The following TXNDC11 variants were observed in gnomAD, a reference collection of about 807,000 sequenced individuals.
TXNDC11 encodes the protein thioredoxin domain containing 11.
In TXNDC11, 68 loss-of-function variants were observed where a neutral mutation model predicts 78.0. That is an observed-to-expected ratio of 0.87 (90% confidence interval 0.72 to 1.07). TXNDC11 has a LOEUF of 1.07. Ranked by LOEUF, TXNDC11 falls within the 50% of genes least tolerant of loss-of-function variation. TXNDC11 has a pLI of 0.00. For synonymous variants in TXNDC11, 571 were observed against 495.2 expected, an observed-to-expected ratio of 1.15 and a Z score of -2.03; for missense variants, 1,389 against 1,221.8, an observed-to-expected ratio of 1.14 and a Z score of -2.04.
In TXNDC11 at chr16:11,709,423, ATTTTTTTTT is replaced by A. The variant is rs149701958; in HGVS notation, c.794-8868_794-8860del. On this transcript the variant is annotated intron_variant, in intron 5 of 11. Coordinates refer to ENST00000283033, the MANE Select transcript of TXNDC11 (RefSeq NM_015914.7). ...CCACCATGCGTAGCTAATTTTTTGT[ATTTTTTTTT>A]TTTTTTTTTTTTTTTTTTTTGAGAC... is the stretch of plus-strand genomic sequence containing the variant. Among the ~76,000 whole-genome samples, 75 of 55,572 alleles carry A rather than the reference ATTTTTTTTT, an allele frequency of 1.3e-3. 1 individual carries two copies. Among genetic ancestry groups the A allele is most frequent in the Middle Eastern group, 0.016 (1 of 64 alleles). 36.5% of individuals were successfully genotyped at this position (55,572 alleles called of 152,430 possible). A position where few individuals can be genotyped will look rare whatever the true frequency, so the allele number is the denominator to read the frequency against.
chr16:11,701,644 A>G (rs1022373017), intron 5 of TXNDC11, among the ~76,000 whole-genome samples: 14 of 152,348 alleles, frequency 9.2e-5, no homozygotes, highest in East Asian at 3.9e-4. Flanking sequence ...ATATGTATAC[A>G]TGGCTAATAA....
In TXNDC11 at chr16:11,693,639, A is replaced by T. The variant is rs2050779608; in HGVS notation, c.1108-1557T>A. 3.9e-5 allele frequency among the ~76,000 whole-genome samples: 6 copies of T among 152,370 alleles called. No individual in the cohort carries two copies. The South Asian group carries it at 1.0e-3, about 26-fold the overall frequency. ...ATAAATTGTTTCAATAGTTCTCGGC[A>T]TAAAAAAAGTCACTTTATAACCCAC... On this transcript the variant is annotated intron_variant, in intron 7 of 11. Coordinates refer to ENST00000283033, the MANE Select transcript of TXNDC11 (RefSeq NM_015914.7).
At chr16:11,733,248 C>T (rs2052107838) in intron 3 of TXNDC11, among the ~76,000 whole-genome samples, 1 of 150,298 alleles carries the variant, frequency 6.7e-6, no homozygotes. Flanking sequence ...AAAAGCTAAA[C>T]TCTGTCTCAA....
In TXNDC11 at chr16:11,679,239, C is replaced by T. The variant is rs774992096; in HGVS notation, c.2833G>A (p.Ala945Thr). 2.7e-5 allele frequency: 44 copies of T among 1,613,592 alleles called. 1 individual carries two copies. In the Middle Eastern group the frequency reaches 3.2e-3, roughly 116 times the overall value. The change falls in exon 12 of 12, where the codon GCC becomes ACC. Residue 945 changes from alanine (A) to threonine (T), a missense_variant. Ala to Thr is a moderately conservative substitution (Grantham distance 58). Transcript: ENST00000283033. This position sits in a 1 kb window ranked among gnomAD's most constrained non-coding sequence, Gnocchi z 4.6. ...TTATTCCTTTCAGACACCAGTGTGG[C>T]GCTGACATTGGCAGGTGGAGGGGAG... ...GSSPPPANVSATLVSERNKEN... is the reference protein window; with the variant it reads ...GSSPPPANVSTTLVSERNKEN...
intron 11 of TXNDC11, among the ~76,000 whole-genome samples, chr16:11,681,864 AT>A (rs948457407): frequency 1.3e-5 from 2 of 152,118 alleles, no homozygotes; most frequent in African/African-American, 4.8e-5. Flanking sequence ...AGGCTCTTGC[AT>A]TTTTTTCCTT....
Position 11,736,112 on chromosome 16 carries a change from C to T in TXNDC11, c.376G>A (p.Glu126Lys). The change falls in exon 2 of 12, where the codon GAG becomes AAG. Residue 126 changes from glutamate (E) to lysine (K), a missense_variant. Transcript: ENST00000283033. Reference protein sequence around the residue: ...DYAEYVRRDSEVVLLFFYAPW... With the variant: ...DYAEYVRRDSKVVLLFFYAPW... ...GCATAGAAGAAGAGCAGTACCACCT[C>T]TGAATCCCGTCGAACGTACTCTGCA... 6.2e-7 allele frequency: 1 copy of T among 1,614,222 alleles called. No homozygotes were observed. Among genetic ancestry groups the T allele is most frequent in the Non-Finnish European group, 8.5e-7 (1 of 1,180,046 alleles).
intron 10 of TXNDC11, among the ~76,000 whole-genome samples, chr16:11,684,588 A>C (rs2050515445): frequency 6.6e-6 from 1 of 152,260 alleles, no homozygotes; most frequent in South Asian, 2.1e-4. Context: ...GGGAAAAGAA[A>C]GGAAATCATT....
At chr16:11,681,286 C>T (rs1231772412) in intron 11 of TXNDC11, among the ~76,000 whole-genome samples, 1 of 152,262 alleles carries the variant, frequency 6.6e-6, no homozygotes, top group East Asian at 1.9e-4. Context: ...GCGGCACAAG[C>T]CTGGTCTTGT....
intron 1 of TXNDC11, among the ~76,000 whole-genome samples, chr16:11,740,238 A>C (rs372360708): frequency 1.3e-4 from 20 of 152,342 alleles, no homozygotes; most frequent in African/African-American, 4.8e-4. Context: ...CGGGGGTAGA[A>C]ATGTTAGCCA....
intron 4 of TXNDC11, among the ~76,000 whole-genome samples, chr16:11,726,270 A>C (rs1403950171): frequency 6.6e-6 from 1 of 151,864 alleles, no homozygotes; most frequent in East Asian, 1.9e-4. Flanking sequence ...CAAATAAAAT[A>C]TTTTCCATTG....
At chr16:11,685,632 G>C (rs2050549070) in intron 10 of TXNDC11, among the ~76,000 whole-genome samples, 3 of 151,458 alleles carry the variant, frequency 2.0e-5, no homozygotes, top group African/African-American at 4.9e-5. Context: ...CTGGGCAACA[G>C]AGCAAGACTC....
chr16:11,684,033 G>A (rs746252397), intron 11 of TXNDC11, 132 bp downstream of exon 11: 2 of 606,426 alleles, frequency 3.3e-6, no homozygotes, highest in Admixed American at 2.6e-5. Context: ...TTACAGGCAT[G>A]AGCCACCACG....
At chr16:11,740,770 A>G (rs1453658386) in intron 1 of TXNDC11, among the ~76,000 whole-genome samples, 1 of 152,260 alleles carries the variant, frequency 6.6e-6, no homozygotes, top group Admixed American at 6.5e-5. Flanking sequence ...CTGAAACATC[A>G]CGAAGGCTGG....
intron 10 of TXNDC11, among the ~76,000 whole-genome samples, chr16:11,684,517 G>A (rs1282544850): frequency 6.6e-6 from 1 of 152,142 alleles, no homozygotes; most frequent in Non-Finnish European, 1.5e-5. Context: ...TGACACCTGA[G>A]GAGTCATTCA....
chr16:11,742,180 G>T, intron 1 of TXNDC11: 1 of 373,608 alleles, frequency 2.7e-6, no homozygotes, highest in Non-Finnish European at 4.8e-6. Context: ...GAAGTGACAG[G>T]TCCACCCCTA....
chr16:11,698,247 G>A lies in TXNDC11; in HGVS notation c.985C>T (p.Arg329Trp), dbSNP rs766862586. The A allele has an allele frequency of 2.0e-5, 33 of 1,614,034 alleles. No homozygotes were observed. Among genetic ancestry groups the A allele is most frequent in the Admixed American group, 8.3e-5 (5 of 60,010 alleles). Reference protein sequence around the residue: ...WALENQETLFRWLRPHGGKSL... With the variant: ...WALENQETLFWWLRPHGGKSL... ...TTGCCTCCGTGTGGCCGCAGCCACCGAAAGAGCGTCTCCTGGTTTTCTAAG... is the reference window on the plus strand; with the variant it reads ...TTGCCTCCGTGTGGCCGCAGCCACCAAAAGAGCGTCTCCTGGTTTTCTAAG... Residue 329 changes from arginine to tryptophan, a missense_variant, in exon 7 of 12, where the codon CGG becomes TGG. Physicochemically the swap from Arg to Trp is moderately radical, Grantham distance 101 (BLOSUM62 -3). Coordinates refer to ENST00000283033, the MANE Select transcript of TXNDC11 (RefSeq NM_015914.7).
At chr16:11,731,799 C>A (rs1216336645) in intron 3 of TXNDC11, among the ~76,000 whole-genome samples, 1 of 151,904 alleles carries the variant, frequency 6.6e-6, no homozygotes, top group Non-Finnish European at 1.5e-5. Context: ...TGAAAAACAG[C>A]GTTCTCTACA....
Position 11,742,650 on chromosome 16 carries a change from G to A in TXNDC11, c.81C>T (p.Pro27=), listed in dbSNP as rs764992054. The part of the protein sequence containing the change: ...AEDEGGGGGG[P]AGSDCLSSSP... ...TCGAGCTGAGGCAGTCTGAGCCCGCGGGGCCGCCGCCGCCCCCTCCCTCGT... is the reference window on the plus strand; with the variant it reads ...TCGAGCTGAGGCAGTCTGAGCCCGCAGGGCCGCCGCCGCCCCCTCCCTCGT... Residue 27 remains proline (P), a synonymous_variant, in exon 1 of 12, where the codon CCC becomes CCT. Transcript: ENST00000283033. The A allele has an allele frequency of 2.5e-5, 36 of 1,461,310 alleles. No individual in the cohort carries two copies. The East Asian group carries it at 1.0e-3, about 41-fold the overall frequency. 90.5% of individuals were successfully genotyped at this position (1,461,310 alleles called of 1,614,324 possible).
chr16:11,713,908 T>G (rs1014522060), intron 5 of TXNDC11, among the ~76,000 whole-genome samples: 13 of 152,158 alleles, frequency 8.5e-5, no homozygotes, highest in African/African-American at 2.7e-4. Flanking sequence ...ACTCAATGTC[T>G]GGTCCAAAGA....
Sources: gnomAD v4.1 joint callset for allele counts (sites outside exome capture counted in the v4.1 genomes callset) on GRCh38, gnomAD v4.1.1 for gene constraint, Gnocchi (gnomAD v3.1) non-coding constraint, MANE v1.5 for transcripts, NCBI Gene and HGNC (gene_info 2026-07-23, HGNC 2026-07-21) for gene names.